The following CSMD3 variants were observed in gnomAD, a reference collection of about 807,000 sequenced individuals.
CSMD3 encodes CUB and Sushi multiple domains 3.
CSMD3 carries 177 observed loss-of-function variants against 435.2 expected under a neutral mutation model. The observed-to-expected ratio is 0.41, with a 90% CI of 0.36 to 0.46. The LOEUF is 0.46. Among genes scored for constraint, CSMD3 ranks in the 20% least tolerant of loss-of-function variants. CSMD3 has a pLI of 0.34. For synonymous variants in CSMD3, 1,656 were observed against 1,520.5 expected (o/e 1.09, Z -2.07); for missense variants, 4,265 against 4,504.6 (o/e 0.95, Z 1.52).
intron 13 of CSMD3, among the ~76,000 whole-genome samples, chr8:112,745,149 T>C (rs1456070233): frequency 6.6e-6 from 1 of 151,858 alleles, no homozygotes; most frequent in African/African-American, 2.4e-5. Context: ...CCTTAGGAAG[T>C]GAGAGTGGGA....
At chr8:112,796,760 G>T (rs1587324299) in intron 13 of CSMD3, among the ~76,000 whole-genome samples, 1 of 152,018 alleles carries the variant, frequency 6.6e-6, no homozygotes, top group East Asian at 1.9e-4. Flanking sequence ...AAGACATTTA[G>T]TTCACATCTT....
chr8:112,426,819 G>T (rs1003433109), intron 32 of CSMD3, among the ~76,000 whole-genome samples: 10 of 152,126 alleles, frequency 6.6e-5, no homozygotes, highest in Admixed American at 6.5e-4. Flanking sequence ...ACACCTTTGT[G>T]CAATGAATGT....
chr8:112,293,379 T>C (rs958199595), intron 54 of CSMD3, among the ~76,000 whole-genome samples: 3 of 152,152 alleles, frequency 2.0e-5, no homozygotes, highest in South Asian at 2.1e-4. Flanking sequence ...AGGCAGTTTT[T>C]TGCATTTAAT....
chr8:113,143,089 T>G (rs2091588804), intron 4 of CSMD3, among the ~76,000 whole-genome samples: 1 of 150,934 alleles, frequency 6.6e-6, no homozygotes, highest in South Asian at 2.1e-4. Flanking sequence ...ATATCTTGAA[T>G]ATATAAAGAA....
chr8:112,951,240 T>C (rs1244003022), intron 8 of CSMD3, among the ~76,000 whole-genome samples: 2 of 151,958 alleles, frequency 1.3e-5, no homozygotes, highest in Middle Eastern at 3.4e-3. Context: ...CACAGTGCCA[T>C]TGATGCAATT....
At chr8:112,420,646 C>A (rs1212668227) in intron 32 of CSMD3, among the ~76,000 whole-genome samples, 1 of 151,946 alleles carries the variant, frequency 6.6e-6, no homozygotes, top group Admixed American at 6.6e-5. Context: ...AGCAGAGAGA[C>A]TAAAATAGGA....
chr8:112,477,326 A>G (rs16883723), intron 31 of CSMD3, among the ~76,000 whole-genome samples: 2,647 of 152,308 alleles, frequency 0.017, 78 homozygotes, highest in African/African-American at 0.06. Context: ...TAAGATGCTT[A>G]TAATATGACT....
intron 11 of CSMD3, among the ~76,000 whole-genome samples, chr8:112,848,359 G>A (rs970574015): frequency 6.6e-6 from 1 of 152,044 alleles, no homozygotes; most frequent in East Asian, 1.9e-4. Context: ...ATCTTAGACT[G>A]TGCTGTATTA....
At chr8:112,828,588 G>A (rs1302864749) in intron 12 of CSMD3, among the ~76,000 whole-genome samples, 1 of 152,084 alleles carries the variant, frequency 6.6e-6, no homozygotes, top group African/African-American at 2.4e-5. Flanking sequence ...TTAAGCCTGT[G>A]GAAATGAAAG....
chr8:112,244,864 T>C (rs1293239005), intron 64 of CSMD3, among the ~76,000 whole-genome samples: 3 of 152,078 alleles, frequency 2.0e-5, no homozygotes, highest in Non-Finnish European at 2.9e-5. Flanking sequence ...ATGTATGCTT[T>C]ACCATTTTAG....
chr8:112,359,567 G>C (rs1323179425), intron 38 of CSMD3, among the ~76,000 whole-genome samples: 8 of 152,030 alleles, frequency 5.3e-5, no homozygotes, highest in Non-Finnish European at 1.2e-4. Context: ...ATTATGCAAA[G>C]GAAAGCTATC....
At chr8:113,139,963 G>T (rs1449145781) in intron 4 of CSMD3, among the ~76,000 whole-genome samples, 2 of 151,018 alleles carry the variant, frequency 1.3e-5, no homozygotes, top group African/African-American at 2.4e-5. Flanking sequence ...TTGACTTATA[G>T]TCTTTTGGGT....
intron 1 of CSMD3, among the ~76,000 whole-genome samples, chr8:113,427,008 C>A (rs1339129534): frequency 6.6e-6 from 1 of 151,020 alleles, no homozygotes; most frequent in Non-Finnish European, 1.5e-5. Flanking sequence ...ATGACTAATA[C>A]AAATGAGGAC....
intron 27 of CSMD3, among the ~76,000 whole-genome samples, chr8:112,521,175 C>G (rs1242048211): frequency 6.6e-6 from 1 of 151,936 alleles, no homozygotes; most frequent in Non-Finnish European, 1.5e-5. Flanking sequence ...AATAAACAAA[C>G]AAAACTTTAT....
intron 24 of CSMD3, among the ~76,000 whole-genome samples, chr8:112,568,118 T>G (rs2853250): frequency 0.046 from 7,033 of 152,206 alleles, 256 homozygotes; most frequent in East Asian, 0.15. Flanking sequence ...GTCATAAATA[T>G]CTAAGTGTAT....
At chr8:113,002,517 C>A (rs2085902183) in intron 6 of CSMD3, among the ~76,000 whole-genome samples, 1 of 152,036 alleles carries the variant, frequency 6.6e-6, no homozygotes, top group Non-Finnish European at 1.5e-5. Flanking sequence ...TAAAAATAAA[C>A]TTTGAAATAA....
chr8:113,051,532 T>A (rs1022248916), intron 5 of CSMD3, among the ~76,000 whole-genome samples: 1 of 152,154 alleles, frequency 6.6e-6, no homozygotes, highest in Admixed American at 6.5e-5. Flanking sequence ...TTGTTTCAGT[T>A]ACTCAAACTT....
chr8:112,838,728 T>C (rs1324688195), intron 11 of CSMD3, among the ~76,000 whole-genome samples: 5 of 151,732 alleles, frequency 3.3e-5, no homozygotes, highest in African/African-American at 1.2e-4. Flanking sequence ...TTCAGAATAA[T>C]TCTAAAACTT....
intron 22 of CSMD3, among the ~76,000 whole-genome samples, chr8:112,623,738 T>G (rs1002184084): frequency 6.6e-6 from 1 of 151,590 alleles, no homozygotes; most frequent in Non-Finnish European, 1.5e-5. Context: ...TTATATTGAT[T>G]TAATTTTTGT....
Sources: gnomAD v4.1 joint callset for allele counts (sites outside exome capture counted in the v4.1 genomes callset) on GRCh38, gnomAD v4.1.1 for gene constraint, MANE v1.5 for transcripts, NCBI Gene and HGNC (gene_info 2026-07-23, HGNC 2026-07-21) for gene names.